Variants in BGN observed in about 807,000 individuals in gnomAD.
The protein encoded by BGN is bone/cartilage proteoglycan-I.
A neutral mutation model predicts 20.0 loss-of-function variants in BGN; 6 were observed. That is an observed-to-expected ratio of 0.30 (90% CI 0.16 to 0.59). BGN has a LOEUF of 0.59. Among genes scored for constraint, BGN ranks in the 20% least tolerant of loss-of-function variants. BGN has a pLI of 0.88. For missense variants in BGN, 292 were observed against 312.1 expected, an observed-to-expected ratio of 0.94 and a Z score of 0.49; for synonymous variants, 146 against 134.6, an observed-to-expected ratio of 1.08 and a Z score of -0.59.
intron 1 of BGN, among the ~76,000 whole-genome samples, chrX:153,498,009 C>T (rs2089731286): frequency 1.8e-5 from 2 of 112,743 alleles, no homozygotes; most frequent in African/African-American, 3.2e-5. Flanking sequence ...TTCCCACCTG[C>T]GCAGCTCTGA....
chrX:153,506,559 G>A lies in BGN; in HGVS notation c.596G>A (p.Gly199Asp). The A allele has an allele frequency of 8.3e-7, 1 of 1,211,457 alleles. No homozygotes were observed. The highest frequency in any genetic ancestry group is 1.1e-6 in the Non-Finnish European group (1 of 895,418). ...GGCGGGAACCCACTGGAGAACAGTG[G>A]CTTTGAACCTGGAGCCTTCGATGGC... ...EMGGNPLENS[G>D]FEPGAFDGLK... The change falls in exon 5 of 8, where the codon GGC becomes GAC. Residue 199 changes from glycine (G) to aspartate (D), a missense_variant. Coordinates refer to ENST00000331595, the MANE Select transcript of BGN (RefSeq NM_001711.6).
chrX:153,505,758 AC>A, intron 3 of BGN, 104 bp from the exon 4 acceptor site: 1 of 548,071 alleles, frequency 1.8e-6, no homozygotes, highest in Non-Finnish European at 2.7e-6. Context: ...CATGGACTGA[AC>A]CTCCTCGAGG....
intron 1 of BGN, among the ~76,000 whole-genome samples, chrX:153,502,276 C>A (rs782627223): frequency 1.8e-5 from 2 of 112,655 alleles, no homozygotes; most frequent in Admixed American, 1.8e-4. Flanking sequence ...GTGGACTGCC[C>A]ACCCTGGAGC....
intron 1 of BGN, among the ~76,000 whole-genome samples, chrX:153,500,955 G>A: frequency 9.2e-6 from 1 of 108,687 alleles, no homozygotes; most frequent in African/African-American, 3.4e-5. Flanking sequence ...TGTATACATG[G>A]GTATGCATGT....
intron 1 of BGN, among the ~76,000 whole-genome samples, chrX:153,496,993 G>A (rs56247442): frequency 0.05 from 2,708 of 53,798 alleles, 42 homozygotes; most frequent in Middle Eastern, 0.071. Context: ...GCCTGCCCGG[G>A]AGTCACATGT....
At chrX:153,496,428 G>A (rs916486807) in intron 1 of BGN, among the ~76,000 whole-genome samples, 4 of 113,187 alleles carry the variant, frequency 3.5e-5, no homozygotes, top group Middle Eastern at 4.6e-3. Context: ...GTCTTGGTGC[G>A]GAGCATGCCC....
rs1034922722 is a variant in BGN at position 153,497,221 on chromosome X, C to T, written c.-12+2108C>T. 3.8e-4 allele frequency among the ~76,000 whole-genome samples: 40 copies of T among 106,484 alleles called. No homozygotes were observed. The East Asian group carries it at 0.012, about 31-fold the overall frequency. The allele number at this position is 106,484 out of a possible 115,157, so 92.5% of individuals were successfully genotyped here. A position where few individuals can be genotyped will look rare whatever the true frequency, so the allele number is the denominator to read the frequency against. On this transcript the variant is annotated intron_variant, in intron 1 of 7. Transcript: ENST00000331595. ...TGCCGCACGTTGCCCCCCTAGCATC[C>T]AGGCCCACCACCGAGCCCCCGACAG...
Position 153,504,724 on chromosome X carries a change from T to C in BGN, c.93T>C (p.Asp31=). The part of the protein sequence containing the change: ...QRGFWDFTLD[D]GPFMMNDEEA... ...GCTTCTGGGACTTCACCCTGGACGA[T>C]GGGCCATTCATGATGAACGATGAGG... Residue 31 remains aspartate, a synonymous_variant, in exon 2 of 8, where the codon GAT becomes GAC. Coordinates refer to ENST00000331595, the MANE Select transcript of BGN (RefSeq NM_001711.6). 3 of 1,211,795 alleles carry C rather than the reference T, an allele frequency of 2.5e-6. No individual in the cohort carries two copies. Among genetic ancestry groups the C allele is most frequent in the Non-Finnish European group, 3.4e-6 (3 of 895,464 alleles).
intron 7 of BGN, among the ~76,000 whole-genome samples, chrX:153,507,937 G>A (rs909203255): frequency 1.8e-5 from 2 of 112,710 alleles, no homozygotes; most frequent in Non-Finnish European, 3.8e-5. Flanking sequence ...GTGCTCCCCC[G>A]AGGCTCAGGC....
rs1556992642 is a variant in BGN, at chrX:153,504,745, T to C, written c.114T>C (p.Asp38=). The C allele has an allele frequency of 8.3e-7, 1 of 1,211,437 alleles. No individual in the cohort carries two copies. Among genetic ancestry groups the C allele is most frequent in the Non-Finnish European group, 1.1e-6 (1 of 895,290 alleles). ...TLDDGPFMMN[D]EEASGADTSG... ...ACGATGGGCCATTCATGATGAACGA[T>C]GAGGAAGCTTCGGGCGCTGACACCT... is the stretch of plus-strand genomic sequence containing the variant. Residue 38 remains aspartate (D), a synonymous_variant, in exon 2 of 8, where the codon GAT becomes GAC. Transcript: ENST00000331595.
Position 153,508,837 on chromosome X carries a change from G to T in BGN, c.*392G>T. 1 of 224,378 alleles carries T rather than the reference G, an allele frequency of 4.5e-6. No homozygotes were observed. The highest frequency in any genetic ancestry group is 8.0e-6 in the Non-Finnish European group (1 of 124,398). The allele number at this position is 224,378 out of a possible 1,213,427, so 18.5% of individuals were successfully genotyped here. A position where few individuals can be genotyped will look rare whatever the true frequency, so the allele number is the denominator to read the frequency against. On this transcript the variant is annotated 3_prime_UTR_variant, in exon 8 of 8. Coordinates refer to ENST00000331595, the MANE Select transcript of BGN (RefSeq NM_001711.6). Reference sequence around the variant, plus strand: ...CATAAGAATGGGGACAGTGGGCTCTGCCAGGGCTGCCGCACCTGTCCAGAC... The same window carrying T: ...CATAAGAATGGGGACAGTGGGCTCTTCCAGGGCTGCCGCACCTGTCCAGAC...
chrX:153,501,134 A>G (rs1398776942), intron 1 of BGN, among the ~76,000 whole-genome samples: 1 of 108,750 alleles, frequency 9.2e-6, no homozygotes, highest in African/African-American at 3.4e-5. Context: ...TGTGTTTTGT[A>G]TAGGTGTGTG....
intron 1 of BGN, among the ~76,000 whole-genome samples, chrX:153,504,282 CT>C (rs1285851303): frequency 5.3e-5 from 6 of 112,638 alleles, no homozygotes; most frequent in African/African-American, 1.6e-4. Context: ...CTAAAGCAGG[CT>C]TCTGGCAGAC....
intron 1 of BGN, among the ~76,000 whole-genome samples, chrX:153,500,365 G>A (rs1556991536): frequency 1.8e-5 from 2 of 111,872 alleles, no homozygotes; most frequent in East Asian, 2.8e-4. Flanking sequence ...GGAGCTCAGG[G>A]CACACTTTGG....
chrX:153,501,047 T>C (rs977459145), intron 1 of BGN, among the ~76,000 whole-genome samples: 9 of 111,795 alleles, frequency 8.1e-5, no homozygotes, highest in East Asian at 2.8e-4. Context: ...TGTGTGCATG[T>C]ATGTGGATGC....
chrX:153,501,959 C>A (rs923210612), intron 1 of BGN, among the ~76,000 whole-genome samples: 17 of 112,228 alleles, frequency 1.5e-4, no homozygotes, highest in African/African-American at 4.9e-4. Context: ...CAGCTGGTCC[C>A]GGGAACCCGC....
rs2089824977 is a variant in BGN, at chrX:153,509,056, TC to T, written c.*612del. On this transcript the variant is annotated 3_prime_UTR_variant, in exon 8 of 8. Transcript: ENST00000331595. Reference sequence around the variant, plus strand: ...CTCTCTCTCTCTCTCTCTCTCTCTCTCTTTCTGTGTGTGTGTGTGTGTGTGT... The same window carrying T: ...CTCTCTCTCTCTCTCTCTCTCTCTCTTTTCTGTGTGTGTGTGTGTGTGTGT... 1 of 81,443 alleles carries T rather than the reference TC, an allele frequency of 1.2e-5. No individual in the cohort carries two copies. The highest frequency in any genetic ancestry group is 6.5e-5 in the African/African-American group (1 of 15,438). The allele number at this position is 81,443 out of a possible 1,213,427, so 6.7% of individuals were successfully genotyped here. A position where few individuals can be genotyped will look rare whatever the true frequency, so the allele number is the denominator to read the frequency against.
Position 153,508,058 on chromosome X carries a change from G to A in BGN, c.910-190G>A, listed in dbSNP as rs113420693. Among the ~76,000 whole-genome samples, 656 of 112,695 alleles carry A rather than the reference G, an allele frequency of 5.8e-3. 6 individuals are homozygous for A. Among genetic ancestry groups the A allele is most frequent in the African/African-American group, 0.021 (639 of 31,063 alleles). ...TCATCCTTGTCCCTGGTCACATCCA[G>A]TGCCTTAATCCTGGCTGACACCCAC... On this transcript the variant is annotated intron_variant, in intron 7 of 7. Transcript: ENST00000331595.
Position 153,508,696 on chromosome X carries a change from A to T in BGN, c.*251A>T, listed in dbSNP as rs743641. On this transcript the variant is annotated 3_prime_UTR_variant, in exon 8 of 8. Transcript: ENST00000331595. ...GCCTCAGAGCTGCCCCTGCTCTCCC[A>T]CCACAGCCACCCAGAGGCACCCCAT... is the stretch of plus-strand genomic sequence containing the variant. The T allele has an allele frequency of 0.17, 69,577 of 416,935 alleles. 6,555 individuals carry two copies. Among genetic ancestry groups the T allele is most frequent in the Admixed American group, 0.44 (10,045 of 22,810 alleles). 34.4% of individuals were successfully genotyped at this position (416,935 alleles called of 1,213,427 possible). A position where few individuals can be genotyped will look rare whatever the true frequency, so the allele number is the denominator to read the frequency against.
Sources: allele counts gnomAD v4.1 joint callset (sites outside exome capture counted in the v4.1 genomes callset), GRCh38; gene constraint gnomAD v4.1.1; transcripts MANE v1.5; gene names NCBI Gene and HGNC (gene_info 2026-07-23, HGNC 2026-07-21).